Variants in LRMDA observed in about 807,000 individuals in gnomAD.
LRMDA encodes the protein leucine-rich melanocyte differentiation-associated protein.
LRMDA carries 18 observed loss-of-function variants against 29.8 expected under a neutral mutation model. That is an observed-to-expected ratio of 0.60 (90% confidence interval 0.42 to 0.90). The LOEUF is 0.90. Ranked by LOEUF, LRMDA falls within the 40% of genes least tolerant of loss-of-function variation. The pLI, the probability that LRMDA is intolerant of heterozygous loss-of-function variation, is 0.00. For missense variants in LRMDA, 273 were observed against 273.9 expected (o/e 1.00, Z 0.02); for synonymous variants, 125 against 109.4 (o/e 1.14, Z -0.89).
chr10:75,464,751 A>G (rs1171260763), intron 2 of LRMDA, among the ~76,000 whole-genome samples: 8 of 152,172 alleles, frequency 5.3e-5, no homozygotes, highest in African/African-American at 1.9e-4. Flanking sequence ...AGACAATACT[A>G]CTGGGATCAG....
intron 5 of LRMDA, among the ~76,000 whole-genome samples, chr10:76,110,677 G>A (rs1041874272): frequency 7.2e-5 from 11 of 152,138 alleles, no homozygotes; most frequent in Non-Finnish European, 1.3e-4. Flanking sequence ...TTTATCAGGG[G>A]TTTCCACTTT....
At chr10:76,315,416 C>T (rs1187321229) in intron 5 of LRMDA, among the ~76,000 whole-genome samples, 2 of 152,212 alleles carry the variant, frequency 1.3e-5, no homozygotes, top group African/African-American at 4.8e-5. Flanking sequence ...CCCCAGCGGG[C>T]TTGGAAGTGC....
rs1554827930 is a variant in LRMDA at position 75,821,798 on chromosome 10, A to AC, written c.132-214210_132-214209insC. Among the ~76,000 whole-genome samples the AC allele has an allele frequency of 7.9e-3, 1,187 of 150,278 alleles. 6 individuals are homozygous for AC. Among genetic ancestry groups the AC allele is most frequent in the South Asian group, 0.016 (73 of 4,648 alleles). ...AACAAACAAACAAACAAACAAACAAAAAAAACCCTTACCAAACTAGGTATA... is the reference window on the plus strand; with the variant it reads ...AACAAACAAACAAACAAACAAACAAACAAAAACCCTTACCAAACTAGGTATA... On this transcript the variant is annotated intron_variant, in intron 2 of 6. Transcript: ENST00000611255.
At chr10:75,535,979 TGA>T (rs1839939484) in intron 2 of LRMDA, among the ~76,000 whole-genome samples, 1 of 152,120 alleles carries the variant, frequency 6.6e-6, no homozygotes, top group Admixed American at 6.5e-5. Context: ...TCCTGTAGAA[TGA>T]GAGGTTGGGT....
chr10:76,258,080 G>A (rs558922855), intron 5 of LRMDA, among the ~76,000 whole-genome samples: 2 of 152,202 alleles, frequency 1.3e-5, no homozygotes, highest in Non-Finnish European at 2.9e-5. Flanking sequence ...CCACATACGA[G>A]GGGTGGAGAA....
At chr10:75,873,616 A>G (rs967799977) in intron 2 of LRMDA, among the ~76,000 whole-genome samples, 1 of 152,226 alleles carries the variant, frequency 6.6e-6, no homozygotes, top group Non-Finnish European at 1.5e-5. Context: ...ACTCTCAGGT[A>G]TTTAAAACTA....
chr10:75,467,185 C>T (rs998832707), intron 2 of LRMDA, among the ~76,000 whole-genome samples: 1 of 152,136 alleles, frequency 6.6e-6, no homozygotes, highest in Non-Finnish European at 1.5e-5. Flanking sequence ...GTCCTGGAGT[C>T]AGAGTCTGAA....
intron 5 of LRMDA, among the ~76,000 whole-genome samples, chr10:76,240,844 GTGTA>G (rs368736051): frequency 0.65 from 88,332 of 135,484 alleles, 26,546 homozygotes; most frequent in Middle Eastern, 0.75. Flanking sequence ...ATATATATGT[GTGTA>G]TATATATATA....
chr10:75,982,990 C>T (rs1283416645), intron 2 of LRMDA, among the ~76,000 whole-genome samples: 1 of 152,164 alleles, frequency 6.6e-6, no homozygotes, highest in Non-Finnish European at 1.5e-5. Context: ...ATATCTTGCT[C>T]AAGGTCACAT....
At chr10:76,265,133 T>C (rs906574378) in intron 5 of LRMDA, among the ~76,000 whole-genome samples, 4 of 152,196 alleles carry the variant, frequency 2.6e-5, no homozygotes, top group African/African-American at 4.8e-5. Flanking sequence ...TCTCTGTGAC[T>C]GAGTGCGTGA....
At chr10:76,175,198 A>C (rs1167825431) in intron 5 of LRMDA, among the ~76,000 whole-genome samples, 2 of 152,232 alleles carry the variant, frequency 1.3e-5, no homozygotes, top group African/African-American at 2.4e-5. Context: ...CATGCAGTGC[A>C]TGGTGGCTGT....
intron 6 of LRMDA, among the ~76,000 whole-genome samples, chr10:76,374,512 T>C (rs989489482): frequency 4.6e-5 from 7 of 152,192 alleles, no homozygotes; most frequent in African/African-American, 1.7e-4. Flanking sequence ...CCCACAATTT[T>C]GGCATGAGGT....
chr10:75,794,734 C>T (rs1310029570), intron 2 of LRMDA, among the ~76,000 whole-genome samples: 3 of 152,176 alleles, frequency 2.0e-5, no homozygotes, highest in Non-Finnish European at 2.9e-5. Flanking sequence ...ATTTGTATAT[C>T]AACTTTTGTA....
At chr10:76,108,927 C>A (rs1849530420) in intron 5 of LRMDA, among the ~76,000 whole-genome samples, 1 of 152,190 alleles carries the variant, frequency 6.6e-6, no homozygotes, top group Non-Finnish European at 1.5e-5. Context: ...TCCCACAAGG[C>A]CAAATACAGC....
chr10:76,364,058 C>T (rs1340319731), intron 6 of LRMDA, among the ~76,000 whole-genome samples: 1 of 152,142 alleles, frequency 6.6e-6, no homozygotes, highest in African/African-American at 2.4e-5. Context: ...CAAAATTTTT[C>T]TAGTTCTTAG....
intron 2 of LRMDA, among the ~76,000 whole-genome samples, chr10:75,956,452 A>C (rs954220161): frequency 6.6e-6 from 1 of 152,230 alleles, no homozygotes; most frequent in Non-Finnish European, 1.5e-5. Flanking sequence ...TACAAAACAC[A>C]TAAGGACCTG....
chr10:76,063,365 A>G (rs1042819934), intron 5 of LRMDA, among the ~76,000 whole-genome samples: 9 of 152,220 alleles, frequency 5.9e-5, no homozygotes, highest in Admixed American at 1.3e-4. Flanking sequence ...ACCAGCTTCA[A>G]TCTCTCTGTG....
chr10:75,746,405 A>G (rs1564556510), intron 2 of LRMDA, among the ~76,000 whole-genome samples: 1 of 152,236 alleles, frequency 6.6e-6, no homozygotes, highest in African/African-American at 2.4e-5. Context: ...ACTACCATGA[A>G]GAAAGGATTA....
chr10:75,675,717 T>G (rs867446271), intron 2 of LRMDA, among the ~76,000 whole-genome samples: 9 of 152,132 alleles, frequency 5.9e-5, no homozygotes, highest in Middle Eastern at 3.4e-3. Flanking sequence ...CTTTTTTTTT[T>G]TTGTTTGTTT....
Sources: allele counts gnomAD v4.1 joint callset (sites outside exome capture counted in the v4.1 genomes callset), GRCh38; gene constraint gnomAD v4.1.1; transcripts MANE v1.5; gene names NCBI Gene and HGNC (gene_info 2026-07-23, HGNC 2026-07-21).